Variants in LAP3 observed in about 807,000 individuals in gnomAD.
LAP3 encodes the protein leucine aminopeptidase 3, also known as cytosol aminopeptidase.
Under a neutral mutation model 58.8 loss-of-function variants are expected in LAP3, and 46 were observed. That is an observed-to-expected ratio of 0.78 (90% confidence interval 0.62 to 1.00). The LOEUF is 1.00. Among genes scored for constraint, LAP3 ranks in the 50% least tolerant of loss-of-function variants. The pLI, the probability that LAP3 is intolerant of heterozygous loss-of-function variation, is 0.00. For missense variants in LAP3, 615 were observed against 659.1 expected (o/e 0.93, Z 0.73); for synonymous variants, 257 against 237.7 (o/e 1.08, Z -0.75).
In LAP3 at chr4:17,582,283, G is replaced by A. The variant is rs768704435; in HGVS notation, c.274-5G>A. 3 of 1,612,514 alleles carry A rather than the reference G, an allele frequency of 1.9e-6. No homozygotes were observed. Among genetic ancestry groups the A allele is most frequent in the Admixed American group, 1.7e-5 (1 of 60,008 alleles). Reference sequence around the variant, plus strand: ...AGTGGTTGATTTGGTGTATCTGTGGGACAGGACTTCCCCAGCGTGGTGCTA... The same window carrying A: ...AGTGGTTGATTTGGTGTATCTGTGGAACAGGACTTCCCCAGCGTGGTGCTA... On this transcript the variant is annotated splice_region_variant and splice_polypyrimidine_tract_variant and intron_variant, in intron 3 of 12. Coordinates refer to ENST00000226299, the MANE Select transcript of LAP3 (RefSeq NM_015907.3).
intron 3 of LAP3, 95 bp from the exon 4 acceptor site, chr4:17,582,189 TTGTG>T: frequency 1.1e-6 from 1 of 936,186 alleles, no homozygotes; most frequent in Non-Finnish European, 1.7e-6. Flanking sequence ...GTTAAAGTAA[TTGTG>T]TGGGAGCTCA....
chr4:17,595,095 G>A (rs560333377), intron 7 of LAP3, among the ~76,000 whole-genome samples: 16 of 151,110 alleles, frequency 1.1e-4, no homozygotes, highest in Non-Finnish European at 2.1e-4. Flanking sequence ...TCAGGAGATC[G>A]AGACCATCCT....
chr4:17,577,295 C>G lies in LAP3; in HGVS notation c.-171C>G, dbSNP rs189006794. The stretch of plus-strand genomic sequence containing the variant: ...CGCGGTTTGATCCCAGCGGTCCAGT[C>G]GGCCGGTGCTGCCCATCCGTCCCGC... On this transcript the variant is annotated 5_prime_UTR_variant, in exon 1 of 13. Transcript: ENST00000226299. 4.8e-3 allele frequency: 2,396 copies of G among 494,120 alleles called. 48 individuals are homozygous for G. The highest frequency in any genetic ancestry group is 0.038 in the African/African-American group (1,833 of 48,710). 30.6% of individuals were successfully genotyped at this position (494,120 alleles called of 1,614,324 possible).
intron 10 of LAP3, among the ~76,000 whole-genome samples, chr4:17,600,494 G>T (rs913269715): frequency 1.3e-5 from 2 of 152,106 alleles, no homozygotes; most frequent in Non-Finnish European, 2.9e-5. Flanking sequence ...CATCAGATAC[G>T]TCAAGTTCTA....
chr4:17,578,168 C>T (rs929650126), intron 1 of LAP3, among the ~76,000 whole-genome samples: 6 of 152,144 alleles, frequency 3.9e-5, no homozygotes. Flanking sequence ...GAATGGCTCT[C>T]GGAACCAGCA....
At chr4:17,586,012 A>G (rs922703054) in intron 6 of LAP3, 3 of 152,240 alleles carry the variant, frequency 2.0e-5, no homozygotes, top group African/African-American at 7.2e-5. Flanking sequence ...ACAAATGAAG[A>G]ACACAGCATG....
chr4:17,584,149 T>A (rs1223089377), intron 5 of LAP3, among the ~76,000 whole-genome samples: 4 of 152,150 alleles, frequency 2.6e-5, no homozygotes, highest in Non-Finnish European at 4.4e-5. Flanking sequence ...TGGCCAAGGG[T>A]TGGCAGCTGT....
intron 10 of LAP3, among the ~76,000 whole-genome samples, chr4:17,599,193 T>C (rs2109023229): frequency 6.6e-6 from 1 of 152,298 alleles, no homozygotes; most frequent in South Asian, 2.1e-4. Context: ...GCTGTACCTT[T>C]AAGCAGAAAT....
intron 10 of LAP3, among the ~76,000 whole-genome samples, chr4:17,602,389 CT>C (rs894035609): frequency 6.6e-5 from 10 of 152,160 alleles, no homozygotes; most frequent in African/African-American, 2.4e-4. Flanking sequence ...GTGGCTGTAC[CT>C]GATTGTCTCT....
chr4:17,597,806 A>T (rs1291701444), intron 9 of LAP3, among the ~76,000 whole-genome samples: 2 of 152,180 alleles, frequency 1.3e-5, no homozygotes, highest in Non-Finnish European at 2.9e-5. Context: ...GGTAGAACAT[A>T]CTGTCCTACA....
At chr4:17,586,083 A>G (rs1713506811) in intron 6 of LAP3, 1 of 152,210 alleles carries the variant, frequency 6.6e-6, no homozygotes. Flanking sequence ...AGACTCCAGC[A>G]TTGGTGCTCC....
intron 10 of LAP3, among the ~76,000 whole-genome samples, chr4:17,602,810 G>C (rs1407284882): frequency 2.0e-5 from 3 of 151,858 alleles, no homozygotes; most frequent in Non-Finnish European, 4.4e-5. Flanking sequence ...TCAGCCACCT[G>C]AGTAGCTGGG....
intron 10 of LAP3, among the ~76,000 whole-genome samples, chr4:17,600,955 G>A (rs1449173714): frequency 6.6e-6 from 1 of 152,198 alleles, no homozygotes; most frequent in African/African-American, 2.4e-5. Context: ...GATGTCCATG[G>A]CCCAGTACAT....
chr4:17,580,040 C>T (rs923054987), intron 2 of LAP3, 101 bp downstream of exon 2: 4 of 679,338 alleles, frequency 5.9e-6, no homozygotes, highest in Non-Finnish European at 9.9e-6. Context: ...CTCTGTTGCC[C>T]AGGCTGGAGT....
At position 17,577,422 on chromosome 4, in the gene LAP3, C is replaced by G. The variant is rs899577628; in HGVS notation, c.-44C>G. ...CCAAGGCGCGCCCGCCCACCGCTCT[C>G]CACGTGCTCGCTGGAGGGCGGTGCG... On this transcript the variant is annotated 5_prime_UTR_variant, in exon 1 of 13. Coordinates refer to ENST00000226299, the MANE Select transcript of LAP3 (RefSeq NM_015907.3). The G allele has an allele frequency of 7.8e-5, 114 of 1,466,332 alleles. No individual in the cohort carries two copies. The highest frequency in any genetic ancestry group is 9.9e-5 in the Non-Finnish European group (108 of 1,091,424). The allele number at this position is 1,466,332 out of a possible 1,614,324, so 90.8% of individuals were successfully genotyped here.
rs561535791 is a variant in LAP3, at chr4:17,601,190, T to C, written c.1180+2632T>C. ...CAGACTATGAGCAATTCTGGTAACA[T>C]TGATCAGTGAGCATCACAACACAGG... On this transcript the variant is annotated intron_variant, in intron 10 of 12. Transcript: ENST00000226299. 4.6e-5 allele frequency among the ~76,000 whole-genome samples: 7 copies of C among 152,314 alleles called. No individual in the cohort carries two copies. The East Asian group carries it at 7.7e-4, about 17-fold the overall frequency.
chr4:17,580,177 T>TAC (rs1713315103), intron 2 of LAP3, among the ~76,000 whole-genome samples: 15 of 66,286 alleles, frequency 2.3e-4, no homozygotes, highest in African/African-American at 1.2e-3. Context: ...TATATATATA[T>TAC]ATATGTATTT....
Position 17,583,176 on chromosome 4 carries a change from CAT to C in LAP3, c.380-305_380-304del, listed in dbSNP as rs112965992. Reference sequence around the variant, plus strand: ...CAATTGGGAAGCTTCATCAGGAAATCATAGTGTTTCAGAAATAATCCTAGGAA... The same window carrying C: ...CAATTGGGAAGCTTCATCAGGAAATCAGTGTTTCAGAAATAATCCTAGGAA... On this transcript the variant is annotated intron_variant, in intron 4 of 12. Coordinates refer to ENST00000226299, the MANE Select transcript of LAP3 (RefSeq NM_015907.3). 1.1e-4 allele frequency among the ~76,000 whole-genome samples: 16 copies of C among 152,290 alleles called. 1 individual carries two copies. Among genetic ancestry groups the C allele is most frequent in the African/African-American group, 3.8e-4 (16 of 41,570 alleles).
At chr4:17,581,354 T>A (rs1713356913) in intron 2 of LAP3, among the ~76,000 whole-genome samples, 1 of 152,238 alleles carries the variant, frequency 6.6e-6, no homozygotes, top group African/African-American at 2.4e-5. Flanking sequence ...CCATTGTTTT[T>A]AAATATGTTT....
Sources: gnomAD v4.1 joint callset for allele counts (sites outside exome capture counted in the v4.1 genomes callset) on GRCh38, gnomAD v4.1.1 for gene constraint, MANE v1.5 for transcripts, NCBI Gene and HGNC (gene_info 2026-07-23, HGNC 2026-07-21) for gene names.